The following PTPRK variants were observed in gnomAD, a reference collection of about 807,000 sequenced individuals.
The protein encoded by PTPRK is receptor-type tyrosine-protein phosphatase kappa.
PTPRK carries 75 observed loss-of-function variants against 178.0 expected under a neutral mutation model. The ratio of observed to expected loss-of-function variants is 0.42; its 90% CI spans 0.35 to 0.51. The LOEUF (loss-of-function observed/expected upper bound fraction) is 0.51. PTPRK is among the 20% of genes least tolerant of loss of function. PTPRK has a pLI of 0.02. For synonymous variants in PTPRK, 637 were observed against 620.6 expected, an observed-to-expected ratio of 1.03 and a Z score of -0.39; for missense variants, 1,441 against 1,797.8, an observed-to-expected ratio of 0.80 and a Z score of 3.59.
At chr6:128,431,695 T>C (rs1844855997) in intron 1 of PTPRK, among the ~76,000 whole-genome samples, 1 of 152,224 alleles carries the variant, frequency 6.6e-6, no homozygotes, top group Non-Finnish European at 1.5e-5. Flanking sequence ...CTTCCTTTCT[T>C]AATGAAGCAA....
chr6:128,369,108 A>G (rs1351297293), intron 2 of PTPRK, among the ~76,000 whole-genome samples: 1 of 20,752 alleles, frequency 4.8e-5, no homozygotes, highest in African/African-American at 1.2e-4. Flanking sequence ...CCTTTAAAAG[A>G]TATATTACAC....
At position 128,330,644 on chromosome 6, in the gene PTPRK, T is replaced by C. The variant is rs571113475; in HGVS notation, c.224-8334A>G. On this transcript the variant is annotated intron_variant, in intron 2 of 29. Coordinates refer to ENST00000368226, the MANE Select transcript of PTPRK (RefSeq NM_002844.4). Reference sequence around the variant, plus strand: ...CTAGCAAGTTTTATGATTTCCACACTAGCAGCCCTACAATCGTTTCTGATA... The same window carrying C: ...CTAGCAAGTTTTATGATTTCCACACCAGCAGCCCTACAATCGTTTCTGATA... 2.7e-4 allele frequency among the ~76,000 whole-genome samples: 41 copies of C among 152,292 alleles called. 1 individual carries two copies. The highest frequency in any genetic ancestry group is 1.9e-3 in the South Asian group (9 of 4,832).
At chr6:128,481,660 TTCAG>T (rs1852098512) in intron 1 of PTPRK, among the ~76,000 whole-genome samples, 1 of 152,120 alleles carries the variant, frequency 6.6e-6, no homozygotes, top group African/African-American at 2.4e-5. Context: ...CTTGACCTGA[TTCAG>T]TATCATTCCT....
At chr6:128,124,125 C>T (rs1388081470) in intron 7 of PTPRK, among the ~76,000 whole-genome samples, 1 of 151,742 alleles carries the variant, frequency 6.6e-6, no homozygotes, top group Non-Finnish European at 1.5e-5. Flanking sequence ...CTCACTGCAA[C>T]CTCCGCCTCC....
intron 7 of PTPRK, among the ~76,000 whole-genome samples, chr6:128,160,333 T>A (rs1353575408): frequency 2.6e-5 from 4 of 151,634 alleles, no homozygotes; most frequent in Admixed American, 2.0e-4. Context: ...GTATTAAAAA[T>A]TTCATCAGAA....
chr6:128,359,440 T>C (rs1562352894), intron 2 of PTPRK, among the ~76,000 whole-genome samples: 2 of 151,780 alleles, frequency 1.3e-5, no homozygotes, highest in Non-Finnish European at 2.9e-5. Context: ...AGTTATCTGT[T>C]TGTTTTTGTA....
intron 2 of PTPRK, among the ~76,000 whole-genome samples, chr6:128,349,787 A>C (rs1832884024): frequency 1.3e-5 from 2 of 152,172 alleles, no homozygotes; most frequent in South Asian, 4.1e-4. Context: ...AATTTTAAGC[A>C]TTTAAAATCT....
At chr6:128,247,093 C>T (rs1815604670) in intron 3 of PTPRK, among the ~76,000 whole-genome samples, 2 of 152,118 alleles carry the variant, frequency 1.3e-5, no homozygotes, top group South Asian at 4.1e-4. Context: ...ATATTTAACT[C>T]GGGTCTCTGT....
intron 2 of PTPRK, among the ~76,000 whole-genome samples, chr6:128,333,717 T>A (rs1830563235): frequency 6.6e-6 from 1 of 152,174 alleles, no homozygotes; most frequent in Non-Finnish European, 1.5e-5. Flanking sequence ...CTGTCAGCAA[T>A]AAGGCTGTTT....
chr6:128,363,383 TC>T (rs1245521582), intron 2 of PTPRK, among the ~76,000 whole-genome samples: 2 of 152,002 alleles, frequency 1.3e-5, no homozygotes, highest in East Asian at 1.9e-4. Flanking sequence ...ACAGTACAAA[TC>T]CCCCCAATGA....
intron 3 of PTPRK, among the ~76,000 whole-genome samples, chr6:128,272,695 A>G (rs888291594): frequency 9.2e-5 from 14 of 152,300 alleles, no homozygotes; most frequent in African/African-American, 3.4e-4. Flanking sequence ...CGATCATTAA[A>G]AAGTCAGGAA....
chr6:128,471,514 C>T (rs140740080), intron 1 of PTPRK, among the ~76,000 whole-genome samples: 1 of 143,358 alleles, frequency 7.0e-6, no homozygotes, highest in African/African-American at 2.6e-5. Flanking sequence ...GATAATATTA[C>T]AGAGGAGAAA....
At chr6:128,067,893 C>T (rs1312423416) in intron 11 of PTPRK, 101 bp from the exon 12 acceptor site, 5 of 1,109,544 alleles carry the variant, frequency 4.5e-6, no homozygotes, top group Non-Finnish European at 6.1e-6. Context: ...TAACACACCA[C>T]ATTTCAAAGT....
chr6:128,441,288 C>T (rs543395309), intron 1 of PTPRK, among the ~76,000 whole-genome samples: 3 of 152,172 alleles, frequency 2.0e-5, no homozygotes, highest in East Asian at 3.9e-4. Flanking sequence ...TCTAAGGAGA[C>T]TCAGTCACCC....
intron 7 of PTPRK, among the ~76,000 whole-genome samples, chr6:128,132,243 T>C (rs1467036742): frequency 6.6e-6 from 1 of 152,184 alleles, no homozygotes; most frequent in Admixed American, 6.5e-5. Context: ...GGCGCGATCT[T>C]GGCTCACTGC....
chr6:128,290,031 T>C (rs1336628803), intron 3 of PTPRK, among the ~76,000 whole-genome samples: 1 of 152,128 alleles, frequency 6.6e-6, no homozygotes, highest in Non-Finnish European at 1.5e-5. Flanking sequence ...ATTCCATTTT[T>C]ACAATTTTCA....
chr6:128,078,358 A>G (rs1784202401), intron 11 of PTPRK, among the ~76,000 whole-genome samples: 2 of 152,068 alleles, frequency 1.3e-5, no homozygotes, highest in African/African-American at 4.8e-5. Context: ...AAATTCTCCA[A>G]TGAATGTATC....
At chr6:128,298,881 A>T (rs1825004660) in intron 3 of PTPRK, among the ~76,000 whole-genome samples, 2 of 152,180 alleles carry the variant, frequency 1.3e-5, no homozygotes, top group Non-Finnish European at 2.9e-5. Flanking sequence ...GCAATTAGGC[A>T]GGAGAAGGAA....
intron 7 of PTPRK, among the ~76,000 whole-genome samples, chr6:128,182,010 C>T (rs1168524930): frequency 6.6e-6 from 1 of 152,042 alleles, no homozygotes; most frequent in Non-Finnish European, 1.5e-5. Context: ...ACCTGAAAAT[C>T]TAGTCTATAA....
Sources: gnomAD v4.1 joint callset for allele counts (sites outside exome capture counted in the v4.1 genomes callset) on GRCh38, gnomAD v4.1.1 for gene constraint, MANE v1.5 for transcripts, NCBI Gene and HGNC (gene_info 2026-07-23, HGNC 2026-07-21) for gene names.